Variants in BANK1 observed in about 807,000 individuals in gnomAD.
BANK1 encodes B cell scaffold protein with ankyrin repeats 1, also known as B-cell scaffold protein with ankyrin repeats.
BANK1 carries 95 observed loss-of-function variants against 94.5 expected under a neutral mutation model. The observed-to-expected ratio is 1.00, with a 90% CI of 0.85 to 1.19. BANK1 has a LOEUF of 1.19. Among genes scored for constraint, BANK1 ranks in the 50% most tolerant of loss-of-function variants. BANK1 has a pLI of 0.00. For missense variants in BANK1, 987 were observed against 932.2 expected, an observed-to-expected ratio of 1.06 and a Z score of -0.77; for synonymous variants, 334 against 308.4, an observed-to-expected ratio of 1.08 and a Z score of -0.87.
chr4:101,853,237 GA>G (rs1416991264), intron 2 of BANK1, among the ~76,000 whole-genome samples: 1 of 152,184 alleles, frequency 6.6e-6, no homozygotes, highest in Non-Finnish European at 1.5e-5. Flanking sequence ...AAGAAAACAA[GA>G]AAACTTTTCT....
chr4:102,017,503 G>A (rs1726749364), intron 7 of BANK1, among the ~76,000 whole-genome samples: 1 of 152,196 alleles, frequency 6.6e-6, no homozygotes, highest in Non-Finnish European at 1.5e-5. Context: ...GCTGGAATGT[G>A]GCCTCAGAGG....
At chr4:101,810,634 C>T (rs1035679106) in intron 1 of BANK1, among the ~76,000 whole-genome samples, 15 of 152,184 alleles carry the variant, frequency 9.9e-5, no homozygotes, top group African/African-American at 3.6e-4. Context: ...AAGAATGTCC[C>T]ATTATTGTTT....
chr4:101,832,996 T>A (rs1726681633), intron 2 of BANK1, among the ~76,000 whole-genome samples: 3 of 152,030 alleles, frequency 2.0e-5, no homozygotes, highest in Admixed American at 2.0e-4. Context: ...CTTTTTTTTT[T>A]GAGACGGAGT....
At chr4:101,897,902 TAAAG>T (rs1327725496) in intron 6 of BANK1, among the ~76,000 whole-genome samples, 1 of 151,928 alleles carries the variant, frequency 6.6e-6, no homozygotes, top group Non-Finnish European at 1.5e-5. Context: ...ACAAAGGTTA[TAAAG>T]ATAGTAGTAT....
At chr4:102,029,885 A>T (rs1727229344) in intron 9 of BANK1, 75 bp from the exon 10 acceptor site, 1 of 1,459,774 alleles carries the variant, frequency 6.9e-7, no homozygotes, top group Admixed American at 2.3e-5. Flanking sequence ...GGGAAGCTCA[A>T]AAAAGTGACA....
intron 11 of BANK1, among the ~76,000 whole-genome samples, chr4:102,054,360 A>G (rs1233924382): frequency 6.6e-6 from 1 of 152,114 alleles, no homozygotes; most frequent in Non-Finnish European, 1.5e-5. Context: ...AAAGCACATT[A>G]CATATATTAG....
intron 2 of BANK1, among the ~76,000 whole-genome samples, chr4:101,830,865 G>C (rs555572469): frequency 4.4e-4 from 67 of 152,252 alleles, no homozygotes; most frequent in African/African-American, 1.5e-3. Context: ...TGGCTTAAAG[G>C]GAAGGAGTGA....
intron 7 of BANK1, among the ~76,000 whole-genome samples, chr4:101,978,621 G>A (rs1478984947): frequency 2.0e-5 from 3 of 151,834 alleles, no homozygotes; most frequent in African/African-American, 7.2e-5. Context: ...TTCTTGTTGT[G>A]TTTCTGAAAT....
rs560664059 is a variant in BANK1, at chr4:101,858,673, T to C, written c.624+3484T>C. On this transcript the variant is annotated intron_variant, in intron 3 of 16. Transcript: ENST00000322953. The stretch of plus-strand genomic sequence containing the variant: ...ATCCTGATGTTAAGATAGAGACATT[T>C]GAAAAACCAGTTGAGTCACTTATTG... Among the ~76,000 whole-genome samples, 11 of 152,308 alleles carry C rather than the reference T, an allele frequency of 7.2e-5. 1 individual carries two copies. The South Asian group carries it at 2.3e-3, about 32-fold the overall frequency.
intron 7 of BANK1, among the ~76,000 whole-genome samples, chr4:101,978,471 A>G (rs1427246877): frequency 6.6e-6 from 1 of 152,144 alleles, no homozygotes; most frequent in Non-Finnish European, 1.5e-5. Context: ...AGTTGCTATT[A>G]TTACAATTAT....
intron 5 of BANK1, among the ~76,000 whole-genome samples, chr4:101,889,950 G>C (rs374030450): frequency 6.6e-6 from 1 of 152,020 alleles, no homozygotes; most frequent in African/African-American, 2.4e-5. Flanking sequence ...TTGTTGTTTG[G>C]TTTCTTAATA....
chr4:101,949,536 C>T (rs1170407893), intron 7 of BANK1, among the ~76,000 whole-genome samples: 3 of 152,030 alleles, frequency 2.0e-5, no homozygotes, highest in Admixed American at 1.3e-4. Context: ...TGAAATATTA[C>T]GTAAAGCTCT....
chr4:102,046,209 A>C (rs958029355), intron 11 of BANK1, among the ~76,000 whole-genome samples: 3 of 152,056 alleles, frequency 2.0e-5, no homozygotes, highest in Non-Finnish European at 4.4e-5. Flanking sequence ...TCCCTATTTA[A>C]TAAATGGTGC....
rs1051577633 is a variant in BANK1 at position 102,045,954 on chromosome 4, T to C, written c.1969+2047T>C. 9.4e-5 allele frequency among the ~76,000 whole-genome samples: 14 copies of C among 149,354 alleles called. No homozygotes were observed. The Admixed American group carries it at 9.4e-4, about 10-fold the overall frequency. On this transcript the variant is annotated intron_variant, in intron 11 of 16. Transcript: ENST00000322953. ...TTGGAAAAAACTACTTTAAAGTTCA[T>C]ATGGAACCAAAAAAGAGCCCGCATT...
intron 1 of BANK1, among the ~76,000 whole-genome samples, chr4:101,801,472 A>C (rs1052018821): frequency 1.3e-5 from 2 of 152,154 alleles, no homozygotes; most frequent in Non-Finnish European, 2.9e-5. Context: ...TAGAAATTTT[A>C]TTTCTCTCTC....
intron 7 of BANK1, among the ~76,000 whole-genome samples, chr4:101,948,551 C>T (rs1032125989): frequency 6.6e-6 from 1 of 152,110 alleles, no homozygotes; most frequent in Admixed American, 6.6e-5. Flanking sequence ...AACTCAGTCT[C>T]TGTGAATGAC....
In BANK1 at chr4:102,030,243, A is replaced by C. The variant is rs775565216; in HGVS notation, c.1878A>C (p.Glu626Asp). 45 of 1,592,828 alleles carry C rather than the reference A, an allele frequency of 2.8e-5. No homozygotes were observed. Among genetic ancestry groups the C allele is most frequent in the Non-Finnish European group, 3.7e-5 (44 of 1,174,470 alleles). ...PRPTSIPPKEETTPYIAQVFQ... is the reference protein window; with the variant it reads ...PRPTSIPPKEDTTPYIAQVFQ... ...CCACAAGTATACCTCCAAAAGAGGA[A>C]ACTACACCTTACATAGCTCAAGGTA... The change falls in exon 10 of 17, where the codon GAA becomes GAC. Residue 626 changes from glutamate to aspartate, a missense_variant. Transcript: ENST00000322953.
intron 7 of BANK1, among the ~76,000 whole-genome samples, chr4:101,922,621 A>T (rs146163422): frequency 1.3e-5 from 2 of 151,936 alleles, no homozygotes; most frequent in African/African-American, 4.8e-5. Context: ...TATTTCCTAT[A>T]CTTGGAATTT....
intron 2 of BANK1, among the ~76,000 whole-genome samples, chr4:101,843,934 A>G (rs1727153250): frequency 6.6e-6 from 1 of 152,112 alleles, no homozygotes; most frequent in Non-Finnish European, 1.5e-5. Flanking sequence ...AAAAAATAAA[A>G]ATAAAAATTA....
Sources: gnomAD v4.1 joint callset for allele counts (sites outside exome capture counted in the v4.1 genomes callset) on GRCh38, gnomAD v4.1.1 for gene constraint, MANE v1.5 for transcripts, NCBI Gene and HGNC (gene_info 2026-07-23, HGNC 2026-07-21) for gene names.